Variants in CHD6 observed in about 807,000 individuals in gnomAD.
The protein encoded by CHD6 is chromodomain helicase DNA binding protein 6, also known as ATP-dependent chromatin remodeler CHD6.
In CHD6, 50 loss-of-function variants were observed where a neutral mutation model predicts 276.9. The ratio of observed to expected loss-of-function variants is 0.18; its 90% CI spans 0.14 to 0.23. The LOEUF (loss-of-function observed/expected upper bound fraction) is 0.23. Ranked by LOEUF, CHD6 falls within the 10% of genes least tolerant of loss-of-function variation. CHD6 has a pLI of 1.00. For missense variants in CHD6, 2,564 were observed against 3,365.8 expected (o/e 0.76, Z 5.89); for synonymous variants, 1,173 against 1,229.3 (o/e 0.95, Z 0.96).
rs1344063587 is a variant in CHD6 at position 41,473,696 on chromosome 20, A to G, written c.2469-179T>C. On this transcript the variant is annotated intron_variant, in intron 16 of 36. Transcript: ENST00000373233. The surrounding 1 kb of genome is among the most constrained non-coding windows in gnomAD (Gnocchi z 4.1). The stretch of plus-strand genomic sequence containing the variant: ...ACATATGCAGCAGGGCAGACACTTA[A>G]AACTGTATTGCAAAATGCCCCCCTC... Among the ~76,000 whole-genome samples, 2 of 152,126 alleles carry G rather than the reference A, an allele frequency of 1.3e-5. No individual in the cohort carries two copies. Among genetic ancestry groups the G allele is most frequent in the Non-Finnish European group, 2.9e-5 (2 of 68,024 alleles).
chr20:41,555,845 G>C (rs1293881933), intron 1 of CHD6, among the ~76,000 whole-genome samples: 1 of 152,112 alleles, frequency 6.6e-6, no homozygotes, highest in African/African-American at 2.4e-5. Flanking sequence ...CTTCCCAGAC[G>C]GGGTGGCGGC....
chr20:41,546,959 T>C (rs2045054897), intron 2 of CHD6, among the ~76,000 whole-genome samples: 1 of 152,212 alleles, frequency 6.6e-6, no homozygotes, highest in Admixed American at 6.5e-5. Flanking sequence ...AGCACGATTA[T>C]TTATTACTGA....
intron 36 of CHD6, among the ~76,000 whole-genome samples, chr20:41,407,747 T>C (rs936645293): frequency 6.6e-6 from 1 of 152,130 alleles, no homozygotes; most frequent in African/African-American, 2.4e-5. Flanking sequence ...CCCACACTAG[T>C]GGGCACTCAG....
intron 2 of CHD6, among the ~76,000 whole-genome samples, chr20:41,548,956 C>T (rs552563195): frequency 5.7e-4 from 87 of 152,268 alleles, no homozygotes; most frequent in African/African-American, 2.1e-3. Flanking sequence ...CCATCTCACA[C>T]CAGTTAGAAT....
At chr20:41,467,862 A>T (rs905297328) in intron 17 of CHD6, among the ~76,000 whole-genome samples, 3 of 151,920 alleles carry the variant, frequency 2.0e-5, no homozygotes, top group African/African-American at 7.3e-5. Context: ...CGTACTCAAA[A>T]GGAACGTGAC....
At chr20:41,610,989 C>T (rs181788519) in intron 1 of CHD6, among the ~76,000 whole-genome samples, 1 of 152,132 alleles carries the variant, frequency 6.6e-6, no homozygotes, top group African/African-American at 2.4e-5. Context: ...TGAAAGACAT[C>T]ATGCATGTTA....
chr20:41,560,733 T>C (rs1000359012), intron 1 of CHD6, among the ~76,000 whole-genome samples: 20 of 152,078 alleles, frequency 1.3e-4, no homozygotes, highest in African/African-American at 4.6e-4. Context: ...CCTCTTTTTT[T>C]TTTCCTCCTA....
intron 26 of CHD6, among the ~76,000 whole-genome samples, chr20:41,438,928 C>T (rs1290545561): frequency 6.6e-6 from 1 of 152,220 alleles, no homozygotes; most frequent in Non-Finnish European, 1.5e-5. Context: ...ATGCACTGCA[C>T]ACTTTTCTTG....
intron 1 of CHD6, among the ~76,000 whole-genome samples, chr20:41,558,956 G>T (rs900363268): frequency 6.6e-6 from 1 of 152,076 alleles, no homozygotes; most frequent in Non-Finnish European, 1.5e-5. Flanking sequence ...TTAATGTCCA[G>T]ACTCTTGGAA....
At chr20:41,536,562 TA>T (rs1399094505) in intron 2 of CHD6, among the ~76,000 whole-genome samples, 2 of 152,178 alleles carry the variant, frequency 1.3e-5, no homozygotes, top group Non-Finnish European at 2.9e-5. Context: ...AGATTCTAAT[TA>T]AGAAAATCAT....
rs2046623527 is a variant in CHD6 at position 41,404,825 on chromosome 20, A to G, written c.7916T>C (p.Met2639Thr). 5.6e-6 allele frequency: 9 copies of G among 1,614,026 alleles called. No homozygotes were observed. Among genetic ancestry groups the G allele is most frequent in the Non-Finnish European group, 7.6e-6 (9 of 1,179,976 alleles). The stretch of plus-strand genomic sequence containing the variant: ...TATTTCCGAGTGTCTGGCCTGCTGC[A>G]TGGCTGGCAGAGCCATGCCCATACC... The part of the protein sequence containing the change: ...SPGMGMALPA[M>T]QQARHSEIVG... The change falls in exon 37 of 37, where the codon ATG (methionine) becomes ACG (threonine). Residue 2639 changes from methionine (M) to threonine (T), a missense_variant. Around this residue, in one of 7 missense-constraint regions of CHD6, gnomAD observed 238 missense variants for 266.0 expected, o/e 0.89. Transcript: ENST00000373233.
At chr20:41,457,738 C>T (rs953878031) in intron 17 of CHD6, among the ~76,000 whole-genome samples, 3 of 152,160 alleles carry the variant, frequency 2.0e-5, no homozygotes, top group Non-Finnish European at 2.9e-5. Flanking sequence ...GGCACACATT[C>T]CCAGGATGCT....
Position 41,473,172 on chromosome 20 carries a change from GTTTCACC to G in CHD6, c.2664+143_2664+149del. ...AGGGTCGACATTTACTTTTCATTCA[GTTTCACC>G]CCCTGACCAAGGCCCTAAGCCTGTC... On this transcript the variant is annotated intron_variant, in intron 17 of 36. Transcript: ENST00000373233. This position sits in a 1 kb window ranked among gnomAD's most constrained non-coding sequence, Gnocchi z 4.1. 4 of 624,906 alleles carry G rather than the reference GTTTCACC, an allele frequency of 6.4e-6. No individual in the cohort carries two copies. Among genetic ancestry groups the G allele is most frequent in the Non-Finnish European group, 1.1e-5 (4 of 369,702 alleles). The allele number at this position is 624,906 out of a possible 1,614,324, so 38.7% of individuals were successfully genotyped here.
intron 1 of CHD6, among the ~76,000 whole-genome samples, chr20:41,587,131 T>C (rs753441174): frequency 2.6e-5 from 4 of 152,192 alleles, no homozygotes; most frequent in African/African-American, 4.8e-5. Context: ...GGCTATAAGA[T>C]TGACATATAA....
At chr20:41,568,405 T>C (rs1237345577) in intron 1 of CHD6, among the ~76,000 whole-genome samples, 1 of 152,218 alleles carries the variant, frequency 6.6e-6, no homozygotes, top group Non-Finnish European at 1.5e-5. Context: ...AGTAAACACA[T>C]TAACAAAATT....
Position 41,553,896 on chromosome 20 carries a change from T to C in CHD6, c.-23-2536A>G, listed in dbSNP as rs542890921. Among the ~76,000 whole-genome samples, 42 of 152,352 alleles carry C rather than the reference T, an allele frequency of 2.8e-4. No homozygotes were observed. The South Asian group carries it at 8.7e-3, about 32-fold the overall frequency. On this transcript the variant is annotated intron_variant, in intron 1 of 36. Coordinates refer to ENST00000373233, the MANE Select transcript of CHD6 (RefSeq NM_032221.5). ...CAGGTACAATGGCTCACACCTGTAA[T>C]CCCAGCACTTTGGGAGGCCAAGGCA...
At chr20:41,534,035 AG>A (rs1295929357) in intron 2 of CHD6, among the ~76,000 whole-genome samples, 1 of 152,222 alleles carries the variant, frequency 6.6e-6, no homozygotes, top group African/African-American at 2.4e-5. Context: ...ATAAAAGTAC[AG>A]CCCCCCAAAG....
At chr20:41,576,511 C>A (rs1381971001) in intron 1 of CHD6, among the ~76,000 whole-genome samples, 1 of 152,118 alleles carries the variant, frequency 6.6e-6, no homozygotes, top group Non-Finnish European at 1.5e-5. Context: ...CATGGTGAAA[C>A]CCTGCCTCTA....
chr20:41,555,310 C>T (rs1375030537), intron 1 of CHD6, among the ~76,000 whole-genome samples: 4 of 137,616 alleles, frequency 2.9e-5, no homozygotes, highest in African/African-American at 5.5e-5. Context: ...TAGGGGCGGC[C>T]GGGCAGAGGC....
Sources: allele counts gnomAD v4.1 joint callset (sites outside exome capture counted in the v4.1 genomes callset), GRCh38; gene constraint gnomAD v4.1.1; regional missense constraint gnomAD v4.1.1; non-coding constraint Gnocchi (gnomAD v3.1); transcripts MANE v1.5; gene names NCBI Gene and HGNC (gene_info 2026-07-23, HGNC 2026-07-21).